The following ZNF438 variants were observed in gnomAD, a reference collection of about 807,000 sequenced individuals.
ZNF438 encodes zinc finger protein 438.
A neutral mutation model predicts 38.0 loss-of-function variants in ZNF438; 25 were observed. That is an observed-to-expected ratio of 0.66 (90% CI 0.48 to 0.92). The LOEUF is 0.92. ZNF438 is among the 40% of genes least tolerant of loss of function. The pLI is 0.00. For missense variants in ZNF438, 1,007 were observed against 999.6 expected (o/e 1.01, Z -0.10); for synonymous variants, 372 against 364.1 (o/e 1.02, Z -0.25).
At chr10:30,925,629 C>T (rs996554446) in intron 2 of ZNF438, among the ~76,000 whole-genome samples, 6 of 152,166 alleles carry the variant, frequency 3.9e-5, no homozygotes, top group African/African-American at 1.4e-4. Flanking sequence ...CAAGCCTTTC[C>T]AACCTTGTAT....
intron 4 of ZNF438, among the ~76,000 whole-genome samples, chr10:30,858,810 T>A (rs1588824212): frequency 1.3e-5 from 2 of 152,234 alleles, no homozygotes; most frequent in African/African-American, 4.8e-5. Context: ...CTTAGCTAAC[T>A]CCCCTCTCCC....
chr10:31,019,779 C>G (rs2056460207), intron 1 of ZNF438, among the ~76,000 whole-genome samples: 1 of 152,166 alleles, frequency 6.6e-6, no homozygotes, highest in African/African-American at 2.4e-5. Flanking sequence ...CCCATACTTA[C>G]ACTAAAAATT....
At chr10:30,847,845 G>A (rs2032611302) in intron 5 of ZNF438, among the ~76,000 whole-genome samples, 1 of 152,184 alleles carries the variant, frequency 6.6e-6, no homozygotes, top group Admixed American at 6.5e-5. Context: ...CAGACCCCAC[G>A]CTCACTCACA....
intron 1 of ZNF438, among the ~76,000 whole-genome samples, chr10:30,990,365 T>C (rs1221562311): frequency 6.6e-6 from 1 of 152,150 alleles, no homozygotes; most frequent in Admixed American, 6.5e-5. Flanking sequence ...ATAATATGCA[T>C]AAATGGCTGC....
chr10:30,844,950 G>A, exon 6 of ZNF438: 1 of 1,611,148 alleles, frequency 6.2e-7, no homozygotes, highest in Non-Finnish European at 8.5e-7. Flanking sequence ...ACCCCAGGCT[G>A]CCTTGGGGTC....
intron 1 of ZNF438, among the ~76,000 whole-genome samples, chr10:31,027,681 A>C (rs181754443): frequency 6.6e-6 from 1 of 152,282 alleles, no homozygotes; most frequent in East Asian, 1.9e-4. Context: ...GTAAATAAAG[A>C]CTAATCATTT....
chr10:30,910,891 A>G (rs1278236725), intron 2 of ZNF438, among the ~76,000 whole-genome samples: 2 of 152,100 alleles, frequency 1.3e-5, no homozygotes, highest in African/African-American at 4.8e-5. Flanking sequence ...AAAATTTCAT[A>G]TTTTCTGGAA....
intron 4 of ZNF438, among the ~76,000 whole-genome samples, chr10:30,863,060 G>A (rs932845849): frequency 1.3e-5 from 2 of 152,008 alleles, no homozygotes; most frequent in African/African-American, 4.8e-5. Context: ...TTTGCTGCAC[G>A]TTTTTCTATA....
intron 4 of ZNF438, among the ~76,000 whole-genome samples, 194 bp downstream of exon 5, chr10:30,876,804 C>T (rs1260587645): frequency 6.6e-6 from 1 of 152,102 alleles, no homozygotes. Context: ...ATAAAGGAGA[C>T]AGGTCCTTAA....
intron 4 of ZNF438, among the ~76,000 whole-genome samples, chr10:30,867,470 A>C (rs904133117): frequency 6.6e-6 from 1 of 152,214 alleles, no homozygotes; most frequent in African/African-American, 2.4e-5. Flanking sequence ...AAATATTTCA[A>C]TATTTTTTAT....
chr10:30,928,623 A>G (rs1392194709), intron 2 of ZNF438, among the ~76,000 whole-genome samples: 1 of 151,556 alleles, frequency 6.6e-6, no homozygotes, highest in East Asian at 1.9e-4. Flanking sequence ...GATATTTAAA[A>G]GTCTTATTTG....
At chr10:31,031,639 G>T (rs2057301554) in intron 1 of ZNF438, among the ~76,000 whole-genome samples, 194 bp downstream of exon 1, 1 of 152,044 alleles carries the variant, frequency 6.6e-6, no homozygotes, top group Non-Finnish European at 1.5e-5. Context: ...ACGGGGCGCG[G>T]CCTCGCCTCC....
chr10:30,903,973 T>G (rs893331568), intron 3 of ZNF438, among the ~76,000 whole-genome samples: 32 of 151,146 alleles, frequency 2.1e-4, no homozygotes, highest in African/African-American at 6.6e-4. Context: ...CCCTCAGAAC[T>G]TTAGTAACAG....
rs560327716 is a variant in ZNF438, at chr10:30,961,745, G to A, written c.-191-20094C>T. Among the ~76,000 whole-genome samples, 25 of 145,824 alleles carry A rather than the reference G, an allele frequency of 1.7e-4. 2 individuals are homozygous for A. The highest frequency in any genetic ancestry group is 6.3e-4 in the Admixed American group (9 of 14,400). ...CTATTAAAAATACAAGAGATTGGCC[G>A]GGTGTGGTGGCGTGCGCCTGTGATC... On this transcript the variant is annotated intron_variant, in intron 1 of 5. Transcript: ENST00000413025.
intron 1 of ZNF438, among the ~76,000 whole-genome samples, chr10:31,027,964 T>C (rs1055589002): frequency 2.0e-5 from 3 of 152,212 alleles, no homozygotes; most frequent in East Asian, 1.9e-4. Context: ...TGTTAGGAAG[T>C]AACAAAATTG....
intron 1 of ZNF438, among the ~76,000 whole-genome samples, chr10:31,026,014 G>A (rs1483916600): frequency 6.6e-6 from 1 of 152,180 alleles, no homozygotes; most frequent in Non-Finnish European, 1.5e-5. Context: ...AATAAACGGT[G>A]CTGGGAAAAC....
intron 1 of ZNF438, among the ~76,000 whole-genome samples, chr10:30,951,484 G>A (rs2048189495): frequency 6.6e-6 from 1 of 152,140 alleles, no homozygotes; most frequent in South Asian, 2.1e-4. Context: ...CGACATGATT[G>A]TATATCCAGA....
At chr10:30,875,108 A>G (rs904525456) in intron 4 of ZNF438, among the ~76,000 whole-genome samples, 3 of 152,198 alleles carry the variant, frequency 2.0e-5, no homozygotes, top group Admixed American at 6.5e-5. Flanking sequence ...TTAGTCCCAG[A>G]AAAGACTGGG....
At chr10:30,958,084 G>T (rs1402809710) in intron 1 of ZNF438, among the ~76,000 whole-genome samples, 1 of 146,568 alleles carries the variant, frequency 6.8e-6, no homozygotes, top group East Asian at 1.9e-4. Flanking sequence ...GTCTTTTGTA[G>T]TTCCATTTTT....
Sources: allele counts gnomAD v4.1 joint callset (sites outside exome capture counted in the v4.1 genomes callset), GRCh38; gene constraint gnomAD v4.1.1; transcripts MANE v1.5; gene names NCBI Gene and HGNC (gene_info 2026-07-23, HGNC 2026-07-21).